Variants in TRIP12 observed in about 807,000 individuals in gnomAD.
The protein encoded by TRIP12 is thyroid hormone receptor interactor 12.
TRIP12 carries 25 observed loss-of-function variants against 244.2 expected under a neutral mutation model. The ratio of observed to expected loss-of-function variants is 0.10; its 90% CI spans 0.07 to 0.14. TRIP12 has a LOEUF of 0.14. Ranked by LOEUF, TRIP12 falls within the 10% of genes least tolerant of loss-of-function variation. The probability of loss-of-function intolerance (pLI) is 1.00; values close to 1 mark genes in which losing one functional copy is unlikely to be tolerated. For missense variants in TRIP12, 1,677 were observed against 2,486.4 expected, an observed-to-expected ratio of 0.67 and a Z score of 6.92; for synonymous variants, 905 against 873.1, an observed-to-expected ratio of 1.04 and a Z score of -0.64.
At chr2:229,847,838 A>T (rs2057885945) in intron 4 of TRIP12, among the ~76,000 whole-genome samples, 1 of 152,294 alleles carries the variant, frequency 6.6e-6, no homozygotes, top group Non-Finnish European at 1.5e-5. Context: ...AAAAAACAAG[A>T]CCTTTATTCT....
At chr2:229,904,809 T>C (rs1293223621) in intron 1 of TRIP12, among the ~76,000 whole-genome samples, 1 of 152,178 alleles carries the variant, frequency 6.6e-6, no homozygotes, top group Non-Finnish European at 1.5e-5. Flanking sequence ...AGGTGAAAAT[T>C]AAGAAAATTC....
At chr2:229,888,875 A>G (rs975987225) in intron 1 of TRIP12, among the ~76,000 whole-genome samples, 8 of 152,150 alleles carry the variant, frequency 5.3e-5, no homozygotes, top group African/African-American at 1.9e-4. Flanking sequence ...ATAAGGTAAG[A>G]TAATAAATAC....
rs746359052 is a variant in TRIP12 at position 229,799,012 on chromosome 2, A to G, written c.3345T>C (p.Ser1115=). 1.9e-6 allele frequency: 3 copies of G among 1,614,184 alleles called. No homozygotes were observed. The Admixed American group carries it at 5.0e-5, about 27-fold the overall frequency. ...SPTTTQSPKS[S]FLASLNPKTW... ...TTTTTGGATTCAAGCTTGCCAGGAA[A>G]GAAGATTTAGGTGACTGAGTAGTGG... Residue 1115 remains serine, a synonymous_variant, in exon 23 of 42, where the codon TCT becomes TCC. Coordinates refer to ENST00000675903, the MANE Select transcript of TRIP12 (RefSeq NM_001348323.3).
At chr2:229,779,572 T>C (rs1035457629) in intron 34 of TRIP12, among the ~76,000 whole-genome samples, 7 of 152,322 alleles carry the variant, frequency 4.6e-5, no homozygotes, top group Admixed American at 1.3e-4. Flanking sequence ...AATAGAGATA[T>C]GTCGAATAAA....
At chr2:229,916,524 C>CAG (rs1468522631) in intron 1 of TRIP12, among the ~76,000 whole-genome samples, 1 of 114,022 alleles carries the variant, frequency 8.8e-6, no homozygotes, top group Non-Finnish European at 2.0e-5. Context: ...CACTGCACTC[C>CAG]AGCCTGGGTG....
chr2:229,827,537 T>C (rs1421410372), intron 8 of TRIP12, among the ~76,000 whole-genome samples: 3 of 152,100 alleles, frequency 2.0e-5, no homozygotes, highest in Admixed American at 6.5e-5. Context: ...AACATTAACC[T>C]AGGCCTGCAC....
intron 1 of TRIP12, among the ~76,000 whole-genome samples, chr2:229,880,877 G>C (rs2064710383): frequency 6.6e-6 from 1 of 152,194 alleles, no homozygotes; most frequent in South Asian, 2.1e-4. Context: ...CCGGGAGGCA[G>C]GGGTTGCAGT....
In TRIP12 at chr2:229,774,647, G is replaced by A. The variant is rs559644848; in HGVS notation, c.5530-386C>T. 5.3e-5 allele frequency among the ~76,000 whole-genome samples: 8 copies of A among 152,146 alleles called. No homozygotes were observed. In the South Asian group the frequency reaches 1.7e-3, roughly 32 times the overall value. ...GAATCCAATACTGTATAAGTATACA[G>A]CCAATACTAATAATACAGTTGGGAA... On this transcript the variant is annotated intron_variant, in intron 37 of 41. Transcript: ENST00000675903.
chr2:229,911,752 T>C (rs554950293), intron 1 of TRIP12, among the ~76,000 whole-genome samples: 76 of 152,278 alleles, frequency 5.0e-4, no homozygotes, highest in African/African-American at 1.8e-3. Flanking sequence ...GGGTAACAAC[T>C]CTACTATGCA....
intron 2 of TRIP12, among the ~76,000 whole-genome samples, chr2:229,871,849 T>C (rs2154346853): frequency 6.6e-6 from 1 of 151,214 alleles, no homozygotes; most frequent in African/African-American, 2.4e-5. Flanking sequence ...TCTAGAAGAG[T>C]AAATATTTGA....
At chr2:229,815,441 T>C in intron 9 of TRIP12, 133 bp from the exon 10 acceptor site, 1 of 590,344 alleles carries the variant, frequency 1.7e-6, no homozygotes. Flanking sequence ...AAAATAACTT[T>C]AAGATAAAAC....
chr2:229,827,194 C>T lies in TRIP12; in HGVS notation c.1450+1999G>A, dbSNP rs180900111. 3.4e-4 allele frequency among the ~76,000 whole-genome samples: 51 copies of T among 151,802 alleles called. No individual in the cohort carries two copies. In the East Asian group the frequency reaches 9.7e-3, roughly 29 times the overall value. On this transcript the variant is annotated intron_variant, in intron 8 of 41. Coordinates refer to ENST00000675903, the MANE Select transcript of TRIP12 (RefSeq NM_001348323.3). ...ACTGGGGAGGCTGAAGCAGGAGAAT[C>T]GCTTGAACCTGGGAGGAGTAGGTTG... is the stretch of plus-strand genomic sequence containing the variant.
chr2:229,813,596 C>A (rs1575399343), intron 13 of TRIP12, among the ~76,000 whole-genome samples: 1 of 151,974 alleles, frequency 6.6e-6, no homozygotes, highest in East Asian at 1.9e-4. Context: ...CCAGCCTGGC[C>A]AACATAGCAA....
chr2:229,898,974 C>A (rs581150), intron 1 of TRIP12, among the ~76,000 whole-genome samples: 75,573 of 152,096 alleles, frequency 0.5, 19,148 homozygotes, highest in East Asian at 0.68. Flanking sequence ...AAGCATGAGC[C>A]ACTGTGCTCA....
chr2:229,896,699 T>G (rs1225240963), intron 1 of TRIP12, among the ~76,000 whole-genome samples: 1 of 152,142 alleles, frequency 6.6e-6, no homozygotes, highest in African/African-American at 2.4e-5. Context: ...TAGTTAAGAT[T>G]ATCAGACTAG....
At chr2:229,900,513 T>C (rs566068620) in intron 1 of TRIP12, among the ~76,000 whole-genome samples, 1 of 152,326 alleles carries the variant, frequency 6.6e-6, no homozygotes, top group African/African-American at 2.4e-5. Context: ...GTTGATAAGA[T>C]TTTTAACTAA....
intron 15 of TRIP12, 102 bp downstream of exon 15, chr2:229,810,775 TATA>T (rs1264697868): frequency 5.1e-6 from 6 of 1,167,538 alleles, no homozygotes; most frequent in African/African-American, 3.1e-5. Context: ...ATCCAATGCC[TATA>T]ATATTAGTAA....
intron 22 of TRIP12, 116 bp from the exon 23 acceptor site, chr2:229,799,165 T>C (rs2043555473): frequency 6.6e-7 from 1 of 1,525,462 alleles, no homozygotes. Flanking sequence ...CTAAGAACAC[T>C]TAGTCCTCAG....
intron 2 of TRIP12, among the ~76,000 whole-genome samples, chr2:229,879,632 A>C (rs2064392785): frequency 6.6e-6 from 1 of 152,242 alleles, no homozygotes; most frequent in Non-Finnish European, 1.5e-5. Flanking sequence ...TTTTCCATAA[A>C]GTATCATTAA....
Sources: allele counts gnomAD v4.1 joint callset (sites outside exome capture counted in the v4.1 genomes callset), GRCh38; gene constraint gnomAD v4.1.1; transcripts MANE v1.5; gene names NCBI Gene and HGNC (gene_info 2026-07-23, HGNC 2026-07-21).